DNAI4: variants seen among roughly 807,000 people sequenced by gnomAD.
The protein encoded by DNAI4 is dynein axonemal intermediate chain 4, also known as WD repeat domain 78.
Under a neutral mutation model 105.8 loss-of-function variants are expected in DNAI4, and 85 were observed. The ratio of observed to expected loss-of-function variants is 0.80; its 90% CI spans 0.67 to 0.96. The LOEUF is 0.96. DNAI4 is among the 40% of genes least tolerant of loss of function. The pLI is 0.00. For missense variants in DNAI4, 1,014 were observed against 1,005.6 expected (o/e 1.01, Z -0.11); for synonymous variants, 352 against 331.5 (o/e 1.06, Z -0.67).
chr1:66,834,987 T>C (rs1288517760), intron 11 of DNAI4, among the ~76,000 whole-genome samples: 2 of 152,168 alleles, frequency 1.3e-5, no homozygotes, highest in Non-Finnish European at 2.9e-5. Flanking sequence ...GCCCCATTGG[T>C]ATCTTGTCTA....
chr1:66,901,679 T>C (rs1233379763), intron 2 of DNAI4, among the ~76,000 whole-genome samples: 2 of 152,248 alleles, frequency 1.3e-5, no homozygotes, highest in Non-Finnish European at 1.5e-5. Flanking sequence ...AAGATGGTTG[T>C]ACAAATATCT....
intron 1 of DNAI4, among the ~76,000 whole-genome samples, chr1:66,916,540 G>C (rs1306318197): frequency 6.6e-6 from 1 of 152,130 alleles, no homozygotes; most frequent in Non-Finnish European, 1.5e-5. Flanking sequence ...AACTCTTCAA[G>C]GTCCCGTGAC....
chr1:66,815,986 G>T (rs755033948), intron 16 of DNAI4, among the ~76,000 whole-genome samples: 1 of 152,030 alleles, frequency 6.6e-6, no homozygotes, highest in African/African-American at 2.4e-5. Flanking sequence ...TCGGGAAGGG[G>T]CCAGAGTTTC....
intron 13 of DNAI4, 178 bp from the exon 14 acceptor site, chr1:66,828,088 C>T: frequency 2.6e-6 from 1 of 388,890 alleles, no homozygotes; most frequent in Non-Finnish European, 4.7e-6. Context: ...AATCAAACTA[C>T]CTGAGAGACT....
At chr1:66,880,114 C>T (rs1359377912) in intron 4 of DNAI4, among the ~76,000 whole-genome samples, 1 of 152,208 alleles carries the variant, frequency 6.6e-6, no homozygotes, top group East Asian at 1.9e-4. Flanking sequence ...ACTTGCTCAT[C>T]CTTGCCTTCT....
intron 2 of DNAI4, among the ~76,000 whole-genome samples, chr1:66,895,144 G>C (rs1204135741): frequency 1.3e-5 from 2 of 152,148 alleles, no homozygotes; most frequent in Non-Finnish European, 2.9e-5. Context: ...ACAAGTGCTT[G>C]ATAAATGTTA....
At chr1:66,864,587 C>T (rs551731767) in intron 6 of DNAI4, among the ~76,000 whole-genome samples, 1 of 152,334 alleles carries the variant, frequency 6.6e-6, no homozygotes, top group South Asian at 2.1e-4. Context: ...CGCGGTGGCT[C>T]ACGCCTGTAA....
chr1:66,820,829 A>C (rs1645609346), intron 16 of DNAI4, among the ~76,000 whole-genome samples: 1 of 151,958 alleles, frequency 6.6e-6, no homozygotes, highest in African/African-American at 2.4e-5. Flanking sequence ...TTACTTATTT[A>C]ACATTTGTAG....
chr1:66,819,569 CT>C (rs904281157), intron 16 of DNAI4, among the ~76,000 whole-genome samples: 1 of 152,036 alleles, frequency 6.6e-6, no homozygotes, highest in Non-Finnish European at 1.5e-5. Context: ...GCGCTAGACA[CT>C]TACATATATG....
At chr1:66,846,861 T>C (rs907744837) in intron 8 of DNAI4, among the ~76,000 whole-genome samples, 3 of 152,228 alleles carry the variant, frequency 2.0e-5, no homozygotes, top group Non-Finnish European at 2.9e-5. Flanking sequence ...TGATTAAAGG[T>C]TGATTAAGAT....
chr1:66,890,784 A>G lies in DNAI4; in HGVS notation c.643+370T>C. 3.5e-6 allele frequency: 1 copy of G among 283,024 alleles called. No individual in the cohort carries two copies. 17.5% of individuals were successfully genotyped at this position (283,024 alleles called of 1,614,324 possible). A position where few individuals can be genotyped will look rare whatever the true frequency, so the allele number is the denominator to read the frequency against. On this transcript the variant is annotated intron_variant, in intron 4 of 16. Transcript: ENST00000371026. This position sits in a 1 kb window ranked among gnomAD's most constrained non-coding sequence, Gnocchi z 4.1. ...GAGGAAGAGGAAGAAGAGGAAGAGGAGGAAGAAGAAGTGAGGAAGAAGAGG... is the reference window on the plus strand; with the variant it reads ...GAGGAAGAGGAAGAAGAGGAAGAGGGGGAAGAAGAAGTGAGGAAGAAGAGG...
intron 4 of DNAI4, among the ~76,000 whole-genome samples, chr1:66,886,195 C>T (rs912448944): frequency 1.1e-4 from 16 of 152,050 alleles, no homozygotes; most frequent in African/African-American, 1.7e-4. Flanking sequence ...TTGAGTCTTT[C>T]GTATAATTTT....
chr1:66,833,434 G>T (rs898189291), intron 13 of DNAI4, 151 bp downstream of exon 13: 1 of 878,122 alleles, frequency 1.1e-6, no homozygotes, highest in Non-Finnish European at 1.6e-6. Flanking sequence ...GCATCCCCTA[G>T]CCCAGGCAAT....
chr1:66,898,090 A>G (rs575614773), intron 2 of DNAI4, among the ~76,000 whole-genome samples: 30 of 152,252 alleles, frequency 2.0e-4, no homozygotes, highest in African/African-American at 7.0e-4. Context: ...GAGTCAAAAG[A>G]TATTATTCTC....
chr1:66,902,224 ATTTTG>A (rs1648882377), intron 2 of DNAI4, among the ~76,000 whole-genome samples: 2 of 152,040 alleles, frequency 1.3e-5, no homozygotes, highest in South Asian at 2.1e-4. Flanking sequence ...ACCAACACTT[ATTTTG>A]TTTTGTTTTT....
chr1:66,828,751 CA>C (rs1645806183), intron 13 of DNAI4, among the ~76,000 whole-genome samples: 1 of 151,986 alleles, frequency 6.6e-6, no homozygotes, highest in South Asian at 2.1e-4. Context: ...CATAAGTTTT[CA>C]TTTTCTGTTA....
chr1:66,827,103 C>T, intron 14 of DNAI4, 57 bp from the exon 15 acceptor site: 12 of 1,415,128 alleles, frequency 8.5e-6, no homozygotes, highest in Non-Finnish European at 9.6e-6. Flanking sequence ...TTATTTTAAA[C>T]TTGACCAGCA....
chr1:66,866,828 A>T (rs1305767232), intron 6 of DNAI4, among the ~76,000 whole-genome samples: 1 of 152,212 alleles, frequency 6.6e-6, no homozygotes, highest in Non-Finnish European at 1.5e-5. Context: ...GGACATACCC[A>T]AGGGTAATTA....
chr1:66,841,557 G>A (rs1646148603), intron 8 of DNAI4, among the ~76,000 whole-genome samples: 3 of 152,030 alleles, frequency 2.0e-5, no homozygotes, highest in Admixed American at 6.6e-5. Context: ...TAGAGATGGG[G>A]GCGGGGGTCT....
Sources: allele counts gnomAD v4.1 joint callset (sites outside exome capture counted in the v4.1 genomes callset), GRCh38; gene constraint gnomAD v4.1.1; non-coding constraint Gnocchi (gnomAD v3.1); transcripts MANE v1.5; gene names NCBI Gene and HGNC (gene_info 2026-07-23, HGNC 2026-07-21).